Variants in STIL observed in about 807,000 individuals in gnomAD.
STIL encodes SCL-interrupting locus protein.
STIL carries 55 observed loss-of-function variants against 110.1 expected under a neutral mutation model. The ratio of observed to expected loss-of-function variants is 0.50; its 90% CI spans 0.40 to 0.63. The LOEUF (loss-of-function observed/expected upper bound fraction) is 0.63, where lower values mean the gene tolerates loss of function less well. Ranked by LOEUF, STIL falls within the 20% of genes least tolerant of loss-of-function variation. The pLI is 0.00. For synonymous variants in STIL, 481 were observed against 530.0 expected (o/e 0.91, Z 1.27); for missense variants, 1,358 against 1,530.0 (o/e 0.89, Z 1.87).
chr1:47,286,095 A>C (rs1206045431), intron 10 of STIL, among the ~76,000 whole-genome samples: 2 of 151,436 alleles, frequency 1.3e-5, no homozygotes, highest in Non-Finnish European at 2.9e-5. Context: ...GGCTGGTCTC[A>C]AACTCCTGAC....
intron 7 of STIL, 125 bp from the exon 8 acceptor site, chr1:47,293,669 A>G (rs969959852): frequency 3.0e-4 from 219 of 730,508 alleles, no homozygotes; most frequent in Non-Finnish European, 1.0e-4. Flanking sequence ...AGCCTTAGTA[A>G]TAAGAAATCT....
chr1:47,255,278 A>AC, intron 16 of STIL, among the ~76,000 whole-genome samples: 1 of 152,378 alleles, frequency 6.6e-6, no homozygotes, highest in East Asian at 1.9e-4. Flanking sequence ...ATGTGCAGCC[A>AC]CAAGGAATGA....
In STIL at chr1:47,251,628, C is replaced by G. The variant is rs901496138; in HGVS notation, c.3375G>C (p.Lys1125Asn). The G allele has an allele frequency of 1.9e-6, 3 of 1,613,970 alleles. No individual in the cohort carries two copies. Among genetic ancestry groups the G allele is most frequent in the Non-Finnish European group, 1.7e-6 (2 of 1,180,026 alleles). ...NMSFATKKYM[K>N]RYGLLQSSDN... ...CACTGCTTTGTAGGAGTCCATATCT[C>G]TTCATATATTTTTTGGTTGCAAATG... Residue 1125 changes from lysine to asparagine, a missense_variant, in exon 17 of 17, where the codon AAG (lysine) becomes AAC (asparagine). Coordinates refer to ENST00000371877, the MANE Select transcript of STIL (RefSeq NM_001048166.1).
At chr1:47,273,643 T>C (rs1488657296) in intron 12 of STIL, among the ~76,000 whole-genome samples, 1 of 152,246 alleles carries the variant, frequency 6.6e-6, no homozygotes, top group East Asian at 1.9e-4. Flanking sequence ...CTATTAGGAA[T>C]AATGCTACTT....
intron 10 of STIL, among the ~76,000 whole-genome samples, chr1:47,285,754 T>C (rs971375570): frequency 1.3e-5 from 2 of 149,628 alleles, no homozygotes; most frequent in African/African-American, 4.9e-5. Flanking sequence ...CCACCGGGCC[T>C]GGCCGAGAAT....
chr1:47,308,003 C>G (rs936426752), intron 2 of STIL, among the ~76,000 whole-genome samples: 11 of 152,092 alleles, frequency 7.2e-5, no homozygotes, highest in Admixed American at 4.6e-4. Context: ...ATCTGAAAAC[C>G]CTGTCTCCTG....
chr1:47,265,723 GTGAGC>G (rs748125586), intron 14 of STIL, among the ~76,000 whole-genome samples: 1 of 147,562 alleles, frequency 6.8e-6, no homozygotes, highest in Non-Finnish European at 1.5e-5. Flanking sequence ...GGAGGGTGCA[GTGAGC>G]TGAGCTGAGA....
intron 6 of STIL, among the ~76,000 whole-genome samples, chr1:47,296,586 T>C (rs959228758): frequency 1.3e-5 from 2 of 152,008 alleles, no homozygotes; most frequent in Non-Finnish European, 2.9e-5. Context: ...GGCAAATCAC[T>C]TGAGGTGAGG....
At chr1:47,304,734 T>C (rs977755842) in intron 3 of STIL, among the ~76,000 whole-genome samples, 155 bp downstream of exon 3, 2 of 152,214 alleles carry the variant, frequency 1.3e-5, no homozygotes, top group African/African-American at 2.4e-5. Context: ...GGAACAGATG[T>C]TAAGAAGCAG....
intron 5 of STIL, among the ~76,000 whole-genome samples, chr1:47,301,173 G>A (rs953575056): frequency 1.3e-5 from 2 of 151,982 alleles, no homozygotes; most frequent in African/African-American, 4.8e-5. Context: ...AACCTCCCGG[G>A]CTCAAGCAAT....
chr1:47,289,485 C>G lies in STIL; in HGVS notation c.973G>C (p.Asp325His). ...CTGGTTAGCAACTGAAACCGAAAGT[C>G]AGGTATCTTGCCATCACAAGGGAAG... ...ECFPCDGKIP[D>H]FRFQLLTSKE... is the part of the protein sequence containing the mutation. Residue 325 changes from aspartate (D) to histidine (H), a missense_variant, in exon 9 of 17, where the codon GAC becomes CAC. Coordinates refer to ENST00000371877, the MANE Select transcript of STIL (RefSeq NM_001048166.1). The G allele has an allele frequency of 6.2e-7, 1 of 1,613,906 alleles. No homozygotes were observed. The highest frequency in any genetic ancestry group is 8.5e-7 in the Non-Finnish European group (1 of 1,179,882).
At position 47,287,675 on chromosome 1, in the gene STIL, G is replaced by A. The variant is rs1645344684; in HGVS notation, c.1024-15C>T. ...GGTTCAACATTCTGAAATGAAGTAG[G>A]TCATATTTTGAGATCTGACTTAAAT... On this transcript the variant is annotated splice_polypyrimidine_tract_variant and intron_variant, in intron 9 of 16. Transcript: ENST00000371877. The A allele has an allele frequency of 6.3e-7, 1 of 1,591,872 alleles. No individual in the cohort carries two copies. Among genetic ancestry groups the A allele is most frequent in the Non-Finnish European group, 8.6e-7 (1 of 1,160,468 alleles).
intron 1 of STIL, among the ~76,000 whole-genome samples, chr1:47,312,419 C>G (rs1417410375): frequency 6.6e-6 from 1 of 151,962 alleles, no homozygotes; most frequent in Non-Finnish European, 1.5e-5. Flanking sequence ...CGTCACTGCC[C>G]TCCAGCCTGG....
intron 6 of STIL, chr1:47,299,683 G>A (rs1557766195): frequency 6.2e-6 from 3 of 482,482 alleles, no homozygotes; most frequent in East Asian, 4.2e-5. Flanking sequence ...GTGAGCCACT[G>A]CGCCAGGCCC....
chr1:47,279,200 G>C (rs924088299), intron 12 of STIL, among the ~76,000 whole-genome samples: 5 of 150,804 alleles, frequency 3.3e-5, no homozygotes, highest in African/African-American at 1.2e-4. Flanking sequence ...GGAGAATGGC[G>C]TGAACCCGGG....
intron 1 of STIL, among the ~76,000 whole-genome samples, chr1:47,311,688 C>T (rs1425133841): frequency 6.6e-6 from 1 of 152,092 alleles, no homozygotes; most frequent in African/African-American, 2.4e-5. Flanking sequence ...TTCAGTATGT[C>T]CTATATTCTT....
rs774185322 is a variant in STIL, at chr1:47,280,368, G to C, written c.2090C>G (p.Pro697Arg). 6.2e-7 allele frequency: 1 copy of C among 1,614,220 alleles called. No individual in the cohort carries two copies. Among genetic ancestry groups the C allele is most frequent in the Admixed American group, 1.7e-5 (1 of 60,026 alleles). Reference sequence around the variant, plus strand: ...GTGCATGCACACTGTGCAAGGCTGTGGGTTACATAAGTCCATATGTGAAGG... The same window carrying C: ...GTGCATGCACACTGTGCAAGGCTGTCGGTTACATAAGTCCATATGTGAAGG... ...RPPSHMDLCNPQPCTVCMHTP... is the reference protein window; with the variant it reads ...RPPSHMDLCNRQPCTVCMHTP... The change falls in exon 12 of 17, where the codon CCA (proline) becomes CGA (arginine). Residue 697 changes from proline (P) to arginine (R), a missense_variant. Transcript: ENST00000371877.
chr1:47,313,621 T>C (rs1339924955), intron 1 of STIL, among the ~76,000 whole-genome samples: 1 of 152,186 alleles, frequency 6.6e-6, no homozygotes, highest in Non-Finnish European at 1.5e-5. Flanking sequence ...GGTACTATAC[T>C]GTCTGTACTC....
chr1:47,252,778 TACACACACACACACAC>T (rs3043070), intron 16 of STIL, among the ~76,000 whole-genome samples: 2,165 of 140,176 alleles, frequency 0.015, 57 homozygotes, highest in African/African-American at 0.053. Flanking sequence ...TATGGGCTTA[TACACACACACACACAC>T]ACACACACAC....
Sources: allele counts gnomAD v4.1 joint callset (sites outside exome capture counted in the v4.1 genomes callset), GRCh38; gene constraint gnomAD v4.1.1; transcripts MANE v1.5; gene names NCBI Gene and HGNC (gene_info 2026-07-23, HGNC 2026-07-21).